MYO5B: variants seen among roughly 807,000 people sequenced by gnomAD.
MYO5B encodes myosin VB, also known as unconventional myosin-Vb.
A neutral mutation model predicts 229.3 loss-of-function variants in MYO5B; 143 were observed. The observed-to-expected ratio is 0.62, with a 90% confidence interval of 0.54 to 0.72. The LOEUF (loss-of-function observed/expected upper bound fraction) is 0.72. MYO5B is among the 30% of genes least tolerant of loss of function. MYO5B has a pLI of 0.00. For synonymous variants in MYO5B, 918 were observed against 885.2 expected, an observed-to-expected ratio of 1.04 and a Z score of -0.66; for missense variants, 2,321 against 2,331.0, an observed-to-expected ratio of 1.00 and a Z score of 0.09.
At chr18:50,039,723 G>A (rs1227544665) in intron 3 of MYO5B, among the ~76,000 whole-genome samples, 1 of 152,138 alleles carries the variant, frequency 6.6e-6, no homozygotes, top group Non-Finnish European at 1.5e-5. Context: ...TACTCATTGG[G>A]TATTATGTCA....
intron 7 of MYO5B, among the ~76,000 whole-genome samples, chr18:49,985,936 T>C (rs374849240): frequency 6.6e-5 from 10 of 152,298 alleles, no homozygotes; most frequent in East Asian, 3.9e-4. Flanking sequence ...TTCAGCTCCA[T>C]TGTCAGAACT....
intron 1 of MYO5B, among the ~76,000 whole-genome samples, chr18:50,172,906 A>G (rs1461880340): frequency 1.3e-5 from 2 of 152,362 alleles, no homozygotes; most frequent in East Asian, 3.9e-4. Context: ...AAGAACATCT[A>G]TGAACTAGGA....
intron 2 of MYO5B, among the ~76,000 whole-genome samples, chr18:50,053,002 G>T (rs1175305675): frequency 6.6e-6 from 1 of 152,166 alleles, no homozygotes; most frequent in Non-Finnish European, 1.5e-5. Context: ...AGGTTGGTTG[G>T]AAGAGGCTGC....
chr18:49,909,288 T>C (rs2024933089), intron 18 of MYO5B, among the ~76,000 whole-genome samples: 1 of 152,214 alleles, frequency 6.6e-6, no homozygotes, highest in African/African-American at 2.4e-5. Flanking sequence ...TCTTTAGCAT[T>C]AGTGTCTCTA....
At chr18:50,076,440 G>C (rs1181736098) in intron 1 of MYO5B, among the ~76,000 whole-genome samples, 1 of 152,192 alleles carries the variant, frequency 6.6e-6, no homozygotes, top group African/African-American at 2.4e-5. Context: ...GGCGTGGCAG[G>C]AGGAGGGGAA....
chr18:49,948,512 C>T (rs1616410), intron 14 of MYO5B, among the ~76,000 whole-genome samples: 89,374 of 151,998 alleles, frequency 0.59, 26,759 homozygotes, highest in Middle Eastern at 0.73. Flanking sequence ...TAAGTATTGG[C>T]AGAAGCTTTT....
intron 1 of MYO5B, among the ~76,000 whole-genome samples, chr18:50,136,065 C>T (rs115240428): frequency 7.9e-4 from 121 of 152,366 alleles, no homozygotes; most frequent in African/African-American, 2.8e-3. Context: ...GCCTGCCCCA[C>T]AGCATTCTTC....
In MYO5B at chr18:50,030,876, GAAAAAAAAAAAAAAAAAAAAAA is replaced by G. The variant is rs869189090; in HGVS notation, c.455+5952_455+5973del. Among the ~76,000 whole-genome samples, 9 of 30,498 alleles carry G rather than the reference GAAAAAAAAAAAAAAAAAAAAAA, an allele frequency of 3.0e-4. 1 individual carries two copies. In the South Asian group the frequency reaches 0.011, roughly 38 times the overall value. 20.0% of individuals were successfully genotyped at this position (30,498 alleles called of 152,430 possible). On this transcript the variant is annotated intron_variant, in intron 4 of 39. Coordinates refer to ENST00000285039, the MANE Select transcript of MYO5B (RefSeq NM_001080467.3). ...TCTGCAGCATCCCCACTCCCTTTCA[GAAAAAAAAAAAAAAAAAAAAAA>G]AAAAAAAAAAAAAAAAAAGCACAAA...
At chr18:49,953,165 CTG>C (rs1200594808) in intron 14 of MYO5B, 93 bp downstream of exon 14, 1 of 1,199,462 alleles carries the variant, frequency 8.3e-7, no homozygotes, top group Non-Finnish European at 1.2e-6. Context: ...CCCAGCATCT[CTG>C]TCTTTCCACC....
Position 49,824,886 on chromosome 18 carries a change from C to G in MYO5B, c.*1585G>C, listed in dbSNP as rs573505013. ...CTGATTGGAACACAATGTCAGCAGC[C>G]TTAACCCAGGCTAAGACTGGCCTAA... On this transcript the variant is annotated 3_prime_UTR_variant, in exon 40 of 40. Coordinates refer to ENST00000285039, the MANE Select transcript of MYO5B (RefSeq NM_001080467.3). The G allele has an allele frequency of 6.6e-6, 1 of 152,326 alleles. No homozygotes were observed. The highest frequency in any genetic ancestry group is 1.5e-5 in the Non-Finnish European group (1 of 68,052). 9.4% of individuals were successfully genotyped at this position (152,326 alleles called of 1,614,324 possible).
chr18:50,028,687 G>A (rs1024710408), intron 4 of MYO5B, among the ~76,000 whole-genome samples: 1 of 152,230 alleles, frequency 6.6e-6, no homozygotes, highest in African/African-American at 2.4e-5. Flanking sequence ...ATTTGAGAAA[G>A]CATCCTATAC....
At chr18:50,029,461 C>G (rs111262367) in intron 4 of MYO5B, among the ~76,000 whole-genome samples, 1 of 152,158 alleles carries the variant, frequency 6.6e-6, no homozygotes, top group African/African-American at 2.4e-5. Context: ...TCTGACTAAC[C>G]CTGACTTGAA....
intron 22 of MYO5B, among the ~76,000 whole-genome samples, chr18:49,881,665 G>A (rs962837682): frequency 8.6e-5 from 13 of 151,358 alleles, no homozygotes; most frequent in Admixed American, 4.0e-4. Flanking sequence ...AGCCAGGCAT[G>A]GTGTTGGGTG....
intron 1 of MYO5B, among the ~76,000 whole-genome samples, chr18:50,068,298 T>A (rs2144442385): frequency 6.6e-6 from 1 of 152,336 alleles, no homozygotes; most frequent in East Asian, 1.9e-4. Flanking sequence ...ACACCAGGTG[T>A]TAAATCATCC....
chr18:50,146,269 C>T (rs898830106), intron 1 of MYO5B, among the ~76,000 whole-genome samples: 5 of 152,184 alleles, frequency 3.3e-5, no homozygotes, highest in Non-Finnish European at 1.5e-5. Flanking sequence ...CCCAGGGTGG[C>T]GAAGTCACCT....
chr18:49,929,495 GC>G lies in MYO5B; in HGVS notation c.2090+16del. The G allele has an allele frequency of 6.3e-7, 1 of 1,594,632 alleles. No homozygotes were observed. Among genetic ancestry groups the G allele is most frequent in the Non-Finnish European group, 8.5e-7 (1 of 1,170,546 alleles). ...CTAGGGCAGCCCCAGGAGGCAGCTG[GC>G]GGGCACGTTAGTTACCTGGATGGGT... On this transcript the variant is annotated intron_variant, in intron 17 of 39. Coordinates refer to ENST00000285039, the MANE Select transcript of MYO5B (RefSeq NM_001080467.3).
chr18:50,123,391 T>C (rs2032103685), intron 1 of MYO5B, among the ~76,000 whole-genome samples: 1 of 152,162 alleles, frequency 6.6e-6, no homozygotes, highest in Non-Finnish European at 1.5e-5. Flanking sequence ...TACTGAACTG[T>C]ACACTTTAAA....
intron 1 of MYO5B, among the ~76,000 whole-genome samples, chr18:50,135,209 G>A (rs2032317264): frequency 1.3e-5 from 2 of 152,112 alleles, no homozygotes; most frequent in Admixed American, 1.3e-4. Flanking sequence ...TACTACTTTG[G>A]AAGAGAAAAA....
chr18:49,938,163 G>A (rs2025271850), intron 14 of MYO5B, among the ~76,000 whole-genome samples: 1 of 152,100 alleles, frequency 6.6e-6, no homozygotes, highest in Non-Finnish European at 1.5e-5. Flanking sequence ...CTACATTATT[G>A]CATCTTGTCA....
Sources: allele counts gnomAD v4.1 joint callset (sites outside exome capture counted in the v4.1 genomes callset), GRCh38; gene constraint gnomAD v4.1.1; transcripts MANE v1.5; gene names NCBI Gene and HGNC (gene_info 2026-07-23, HGNC 2026-07-21).